Variants in PSD3 observed in about 807,000 individuals in gnomAD.
PSD3 encodes the protein pleckstrin and Sec7 domain containing 3, also known as PH and SEC7 domain-containing protein 3.
PSD3 carries 49 observed loss-of-function variants against 105.5 expected under a neutral mutation model. The ratio of observed to expected loss-of-function variants is 0.46; its 90% CI spans 0.37 to 0.59. The LOEUF (loss-of-function observed/expected upper bound fraction) is 0.59. PSD3 is among the 20% of genes least tolerant of loss of function. PSD3 has a pLI of 0.00. For missense variants in PSD3, 1,561 were observed against 1,263.8 expected (o/e 1.24, Z -3.57); for synonymous variants, 557 against 457.8 (o/e 1.22, Z -2.77).
intron 1 of PSD3, among the ~76,000 whole-genome samples, chr8:18,993,376 A>C (rs562612403): frequency 2.0e-5 from 3 of 149,594 alleles, no homozygotes; most frequent in Non-Finnish European, 3.0e-5. Context: ...GACACCCAGA[A>C]TCCAATAAAA....
intron 8 of PSD3, among the ~76,000 whole-genome samples, chr8:18,767,080 C>T (rs576788885): frequency 4.6e-5 from 7 of 152,160 alleles, no homozygotes; most frequent in African/African-American, 9.7e-5. Flanking sequence ...AGCCTCTGTT[C>T]GCAAAACGTA....
chr8:18,697,700 C>G (rs1479723381), intron 9 of PSD3, among the ~76,000 whole-genome samples: 1 of 152,192 alleles, frequency 6.6e-6, no homozygotes, highest in East Asian at 1.9e-4. Context: ...CGTGAATTAC[C>G]TCTGGGCAAG....
chr8:19,050,525 C>T (rs991424591), intron 1 of PSD3, among the ~76,000 whole-genome samples: 1 of 152,168 alleles, frequency 6.6e-6, no homozygotes, highest in African/African-American at 2.4e-5. Context: ...GATGAGTTCA[C>T]ATCCTTTGTA....
intron 9 of PSD3, among the ~76,000 whole-genome samples, chr8:18,760,637 T>G (rs1431069939): frequency 6.6e-6 from 1 of 152,258 alleles, no homozygotes; most frequent in Non-Finnish European, 1.5e-5. Flanking sequence ...ATTCGTCTGC[T>G]GATGAACATT....
intron 4 of PSD3, among the ~76,000 whole-genome samples, chr8:18,835,780 G>A (rs1276293011): frequency 1.3e-5 from 2 of 152,192 alleles, no homozygotes; most frequent in Non-Finnish European, 1.5e-5. Flanking sequence ...AAGCATGCCC[G>A]GCGTGCTCAG....
chr8:18,968,970 T>G (rs1355615474), intron 1 of PSD3, among the ~76,000 whole-genome samples: 1 of 150,474 alleles, frequency 6.6e-6, no homozygotes, highest in Non-Finnish European at 1.5e-5. Context: ...GTGGGGGATA[T>G]GAAGACAATT....
intron 9 of PSD3, among the ~76,000 whole-genome samples, chr8:18,732,347 C>G (rs1156512165): frequency 6.6e-6 from 1 of 152,186 alleles, no homozygotes; most frequent in African/African-American, 2.4e-5. Flanking sequence ...GCTACAAATC[C>G]TGTCTCAGTA....
intron 9 of PSD3, among the ~76,000 whole-genome samples, chr8:18,667,920 G>A (rs1563157268): frequency 6.6e-6 from 1 of 152,254 alleles, no homozygotes; most frequent in Non-Finnish European, 1.5e-5. Context: ...ACAGCTGCTG[G>A]CCCAGTTACT....
At chr8:19,029,999 AT>A (rs926887277) in intron 1 of PSD3, among the ~76,000 whole-genome samples, 1 of 152,204 alleles carries the variant, frequency 6.6e-6, no homozygotes, top group Non-Finnish European at 1.5e-5. Context: ...CTGGTCAGGA[AT>A]TTTAATGCAA....
At chr8:18,850,370 G>A (rs1355088113) in intron 4 of PSD3, among the ~76,000 whole-genome samples, 1 of 152,184 alleles carries the variant, frequency 6.6e-6, no homozygotes, top group Non-Finnish European at 1.5e-5. Flanking sequence ...TATAACAATG[G>A]ATCTGAGACC....
intron 4 of PSD3, among the ~76,000 whole-genome samples, chr8:18,827,676 T>C (rs1440734210): frequency 6.6e-6 from 1 of 152,110 alleles, no homozygotes; most frequent in Admixed American, 6.6e-5. Flanking sequence ...AGCAGACTCC[T>C]GCAAGGGTCG....
At chr8:18,605,038 G>C (rs545799663) in intron 11 of PSD3, among the ~76,000 whole-genome samples, 1 of 152,324 alleles carries the variant, frequency 6.6e-6, no homozygotes, top group South Asian at 2.1e-4. Flanking sequence ...GCTAATGCAG[G>C]GTTAAAGCCC....
In PSD3 at chr8:18,535,683, A is replaced by G; in HGVS notation, c.*60T>C. 1 of 1,369,156 alleles carries G rather than the reference A, an allele frequency of 7.3e-7. No homozygotes were observed. Among genetic ancestry groups the G allele is most frequent in the Non-Finnish European group, 1.0e-6 (1 of 963,040 alleles). The allele number at this position is 1,369,156 out of a possible 1,614,324, so 84.8% of individuals were successfully genotyped here. A position where few individuals can be genotyped will look rare whatever the true frequency, so the allele number is the denominator to read the frequency against. ...TTTAAATATATTCACGGATTACCAG[A>G]AAGATCTTGAAAAACCCTATTTTGC... On this transcript the variant is annotated 3_prime_UTR_variant, in exon 16 of 16. Transcript: ENST00000327040.
chr8:18,804,978 G>C (rs1811076218), intron 4 of PSD3, 80 bp from the exon 5 acceptor site: 1 of 1,228,066 alleles, frequency 8.1e-7, no homozygotes, highest in South Asian at 1.5e-5. Context: ...AATATTGATA[G>C]TTTTCTTTTA....
At chr8:18,593,499 A>G (rs932104250) in intron 12 of PSD3, among the ~76,000 whole-genome samples, 16 of 152,156 alleles carry the variant, frequency 1.1e-4, no homozygotes, top group African/African-American at 3.1e-4. Flanking sequence ...GATGTGGAGA[A>G]ATAGGAACAC....
intron 1 of PSD3, among the ~76,000 whole-genome samples, chr8:18,946,932 A>G (rs1046799372): frequency 6.0e-5 from 9 of 149,816 alleles, no homozygotes; most frequent in Non-Finnish European, 1.3e-4. Context: ...AAAATAAAAT[A>G]AATAAAATAT....
intron 14 of PSD3, among the ~76,000 whole-genome samples, chr8:18,559,557 A>C (rs2130181651): frequency 6.6e-6 from 1 of 152,300 alleles, no homozygotes; most frequent in East Asian, 1.9e-4. Context: ...AATAATTAGA[A>C]TCCAATGATA....
intron 14 of PSD3, among the ~76,000 whole-genome samples, chr8:18,569,350 A>G (rs1264903493): frequency 4.2e-5 from 6 of 143,494 alleles, no homozygotes; most frequent in South Asian, 4.8e-4. Flanking sequence ...CTATTTCTCC[A>G]CATCCTCTCC....
chr8:18,932,494 A>T (rs1000065370), intron 2 of PSD3, among the ~76,000 whole-genome samples: 3 of 152,178 alleles, frequency 2.0e-5, no homozygotes, highest in African/African-American at 7.2e-5. Flanking sequence ...CATTACATCA[A>T]ATAACTTCCA....
Sources: allele counts gnomAD v4.1 joint callset (sites outside exome capture counted in the v4.1 genomes callset), GRCh38; gene constraint gnomAD v4.1.1; transcripts MANE v1.5; gene names NCBI Gene and HGNC (gene_info 2026-07-23, HGNC 2026-07-21).